ITGA6: variants seen among roughly 807,000 people sequenced by gnomAD.
ITGA6 encodes integrin subunit alpha 6.
Under a neutral mutation model 133.6 loss-of-function variants are expected in ITGA6, and 63 were observed. The observed-to-expected ratio is 0.47, with a 90% CI of 0.38 to 0.58. The LOEUF (loss-of-function observed/expected upper bound fraction) is 0.58, where lower values mean the gene tolerates loss of function less well. Ranked by LOEUF, ITGA6 falls within the 20% of genes least tolerant of loss-of-function variation. The probability of loss-of-function intolerance (pLI) is 0.00; values close to 1 mark genes in which losing one functional copy is unlikely to be tolerated. For missense variants in ITGA6, 1,068 were observed against 1,309.4 expected, an observed-to-expected ratio of 0.82 and a Z score of 2.85; for synonymous variants, 434 against 482.0, an observed-to-expected ratio of 0.90 and a Z score of 1.30.
At chr2:172,431,734 C>T (rs35265291) in intron 1 of ITGA6, among the ~76,000 whole-genome samples, 10,064 of 152,210 alleles carry the variant, frequency 0.066, 459 homozygotes, top group Non-Finnish European at 0.1. Flanking sequence ...AAAGCCAAAA[C>T]GGGCAGCGAG....
chr2:172,478,320 C>T (rs1011489882), intron 9 of ITGA6, among the ~76,000 whole-genome samples: 15 of 152,294 alleles, frequency 9.8e-5, no homozygotes, highest in African/African-American at 3.1e-4. Context: ...TCCAGAAGTT[C>T]GAGCTAGCTG....
At chr2:172,448,684 C>T (rs1475885138) in intron 1 of ITGA6, among the ~76,000 whole-genome samples, 3 of 152,172 alleles carry the variant, frequency 2.0e-5, no homozygotes, top group African/African-American at 7.2e-5. Flanking sequence ...CAAAAGAGAG[C>T]CTCAGCCTTT....
intron 2 of ITGA6, 28 bp from the exon 3 acceptor site, chr2:172,467,452 TG>T (rs776134871): frequency 6.3e-7 from 1 of 1,579,752 alleles, no homozygotes; most frequent in Admixed American, 1.7e-5. Flanking sequence ...TGCAGTCACT[TG>T]GAAGGCTAAC....
intron 3 of ITGA6, 147 bp downstream of exon 3, chr2:172,467,707 C>A: frequency 1.4e-6 from 1 of 696,202 alleles, no homozygotes. Flanking sequence ...AGAAATCAGA[C>A]TGGGCGTGGT....
intron 1 of ITGA6, among the ~76,000 whole-genome samples, chr2:172,432,409 A>G (rs1019209670): frequency 1.4e-4 from 21 of 152,212 alleles, no homozygotes; most frequent in African/African-American, 4.8e-4. Flanking sequence ...GGGGTCTTAC[A>G]TTCATTTCTT....
intron 2 of ITGA6, 178 bp downstream of exon 2, chr2:172,465,841 C>G: frequency 1.1e-6 from 1 of 903,696 alleles, no homozygotes; most frequent in Non-Finnish European, 1.7e-6. Flanking sequence ...CTGAATCATA[C>G]TGGGATGCCG....
In ITGA6 at chr2:172,487,720, T is replaced by C. The variant is rs2149074562; in HGVS notation, c.2245-8T>C. On this transcript the variant is annotated splice_polypyrimidine_tract_variant and splice_region_variant and intron_variant, in intron 16 of 25. Transcript: ENST00000684293. ...GGCCTGTGTTAACAGCTATTTATGT[T>C]TTTTTAGGTCACTTTTTATTTGGTT... 1 of 1,600,982 alleles carries C rather than the reference T, an allele frequency of 6.2e-7. No homozygotes were observed. Among genetic ancestry groups the C allele is most frequent in the South Asian group, 1.1e-5 (1 of 90,988 alleles).
chr2:172,443,510 C>G (rs1197763537), intron 1 of ITGA6, among the ~76,000 whole-genome samples: 1 of 152,112 alleles, frequency 6.6e-6, no homozygotes, highest in Non-Finnish European at 1.5e-5. Context: ...GAGTGGCTGC[C>G]CTCATTCCTT....
chr2:172,505,206 A>C lies in ITGA6; in HGVS notation c.*1138A>C, dbSNP rs1687508874. On this transcript the variant is annotated 3_prime_UTR_variant, in exon 26 of 26. Coordinates refer to ENST00000684293, the MANE Select transcript of ITGA6 (RefSeq NM_000210.4). ...AGGCATTGGATATTTTTTACTTTAGAAGCCTGCATAATGTTTCTGGATTTC... is the reference window on the plus strand; with the variant it reads ...AGGCATTGGATATTTTTTACTTTAGCAGCCTGCATAATGTTTCTGGATTTC... 6.6e-6 allele frequency: 1 copy of C among 152,540 alleles called. No homozygotes were observed. Among genetic ancestry groups the C allele is most frequent in the African/African-American group, 2.4e-5 (1 of 41,454 alleles). The allele number at this position is 152,540 out of a possible 1,614,324, so 9.4% of individuals were successfully genotyped here.
chr2:172,487,135 C>T lies in ITGA6; in HGVS notation c.1967C>T (p.Pro656Leu). The T allele has an allele frequency of 6.3e-7, 1 of 1,581,068 alleles. No homozygotes were observed. Among genetic ancestry groups the T allele is most frequent in the Non-Finnish European group, 8.7e-7 (1 of 1,150,206 alleles). Residue 656 changes from proline (P) to leucine (L), a missense_variant, in exon 14 of 26, where the codon CCA (proline) becomes CTA (leucine). Pro to Leu is a moderately conservative substitution (Grantham distance 98). Transcript: ENST00000684293. ...EGNQDKFSYL[P>L]IQKGVPELVL... ...AATCAAGACAAATTTTCTTATTTAC[C>T]AATGTAAGAATCGTTGTGTAGCACT...
chr2:172,441,333 T>A (rs1405418868), intron 1 of ITGA6, among the ~76,000 whole-genome samples: 1 of 152,072 alleles, frequency 6.6e-6, no homozygotes, highest in Non-Finnish European at 1.5e-5. Context: ...TGGGTCTGAT[T>A]TATCTGTGTT....
intron 1 of ITGA6, among the ~76,000 whole-genome samples, chr2:172,451,016 G>A (rs139127557): frequency 0.015 from 2,292 of 148,676 alleles, 30 homozygotes; most frequent in South Asian, 0.063. Context: ...TTAGCTGGAC[G>A]TGGGGGCACA....
Position 172,446,670 on chromosome 2 carries a change from C to T in ITGA6, c.182+18700C>T, listed in dbSNP as rs576674794. 9.9e-5 allele frequency among the ~76,000 whole-genome samples: 15 copies of T among 152,238 alleles called. No homozygotes were observed. The East Asian group carries it at 2.7e-3, about 27-fold the overall frequency. On this transcript the variant is annotated intron_variant, in intron 1 of 25. Transcript: ENST00000684293. ...AAATGTCATTTGGCAACTGATAAGT[C>T]GGGTATCTGGTAATTCAGAAGCACA...
intron 18 of ITGA6, 21 bp downstream of exon 18, chr2:172,488,059 T>G: frequency 6.2e-7 from 1 of 1,612,662 alleles, no homozygotes; most frequent in Admixed American, 1.7e-5. Flanking sequence ...GTGTTTAGCA[T>G]AACAAATCAA....
At chr2:172,452,141 C>T (rs182004647) in intron 1 of ITGA6, among the ~76,000 whole-genome samples, 1 of 152,194 alleles carries the variant, frequency 6.6e-6, no homozygotes, top group Non-Finnish European at 1.5e-5. Context: ...TTTCTTTCTC[C>T]GGCTTCCCTC....
chr2:172,448,293 G>A (rs1684847416), intron 1 of ITGA6, among the ~76,000 whole-genome samples: 2 of 151,888 alleles, frequency 1.3e-5, no homozygotes, highest in Admixed American at 6.6e-5. Context: ...GTAAACTGGG[G>A]TGTAGTGATG....
rs764393153 is a variant in ITGA6, at chr2:172,491,490, C to T, written c.2955C>T (p.Ala985=). Residue 985 remains alanine, a synonymous_variant, in exon 23 of 26, where the codon GCC becomes GCT. Coordinates refer to ENST00000684293, the MANE Select transcript of ITGA6 (RefSeq NM_000210.4). The surrounding 1 kb of genome is among the most constrained non-coding windows in gnomAD (Gnocchi z 4.4). ...CCTTCATTGATGTGACTGCTGCTGC[C>T]GAAAATATCAGGCTGCCAAATGCAG... is the stretch of plus-strand genomic sequence containing the variant. ...MRAFIDVTAA[A]ENIRLPNAGT... is the part of the protein sequence containing the mutation. 5.6e-6 allele frequency: 9 copies of T among 1,613,416 alleles called. No homozygotes were observed. The highest frequency in any genetic ancestry group is 1.6e-4 in the Middle Eastern group (1 of 6,082).
At chr2:172,453,833 A>G (rs561616704) in intron 1 of ITGA6, among the ~76,000 whole-genome samples, 1 of 152,358 alleles carries the variant, frequency 6.6e-6, no homozygotes, top group East Asian at 1.9e-4. Context: ...TTCATTACAA[A>G]TAACCATTGG....
At chr2:172,452,544 G>C (rs2149018713) in intron 1 of ITGA6, among the ~76,000 whole-genome samples, 1 of 152,304 alleles carries the variant, frequency 6.6e-6, no homozygotes, top group East Asian at 1.9e-4. Flanking sequence ...CCAGCTCCAG[G>C]TGGTGACCCC....
Sources: allele counts gnomAD v4.1 joint callset (sites outside exome capture counted in the v4.1 genomes callset), GRCh38; gene constraint gnomAD v4.1.1; non-coding constraint Gnocchi (gnomAD v3.1); transcripts MANE v1.5; gene names NCBI Gene and HGNC (gene_info 2026-07-23, HGNC 2026-07-21).